Variants in FNIP1 observed in about 807,000 individuals in gnomAD.
FNIP1 encodes the protein folliculin-interacting protein 1.
Under a neutral mutation model 124.5 loss-of-function variants are expected in FNIP1, and 40 were observed. The ratio of observed to expected loss-of-function variants is 0.32; its 90% confidence interval spans 0.25 to 0.42. The LOEUF (loss-of-function observed/expected upper bound fraction) is 0.42. Ranked by LOEUF, FNIP1 falls within the 10% of genes least tolerant of loss-of-function variation. The pLI is 1.00. For synonymous variants in FNIP1, 472 were observed against 470.6 expected (o/e 1.00, Z -0.04); for missense variants, 1,176 against 1,403.7 (o/e 0.84, Z 2.59).
At chr5:131,699,522 T>G (rs554561285) in intron 10 of FNIP1, among the ~76,000 whole-genome samples, 1 of 151,234 alleles carries the variant, frequency 6.6e-6, no homozygotes, top group Non-Finnish European at 1.5e-5. Flanking sequence ...GTCTCCCGAG[T>G]AGCTGGGATT....
At chr5:131,729,452 G>A (rs941250803) in intron 3 of FNIP1, among the ~76,000 whole-genome samples, 2 of 152,186 alleles carry the variant, frequency 1.3e-5, no homozygotes, top group African/African-American at 2.4e-5. Flanking sequence ...GCTCCGCCCA[G>A]TTCTAACTTC....
At chr5:131,775,439 T>C (rs1771768498) in intron 1 of FNIP1, among the ~76,000 whole-genome samples, 1 of 119,074 alleles carries the variant, frequency 8.4e-6, no homozygotes, top group Non-Finnish European at 1.8e-5. Context: ...AATAAAACAG[T>C]TCATTTAAAA....
At chr5:131,712,159 G>T (rs1377731140) in intron 6 of FNIP1, among the ~76,000 whole-genome samples, 1 of 151,770 alleles carries the variant, frequency 6.6e-6, no homozygotes, top group Non-Finnish European at 1.5e-5. Context: ...CAATGTGCTA[G>T]TGACTTATTA....
chr5:131,756,423 C>T lies in FNIP1; in HGVS notation c.93-11733G>A, dbSNP rs561606964. Among the ~76,000 whole-genome samples the T allele has an allele frequency of 4.0e-5, 6 of 151,822 alleles. No homozygotes were observed. In the South Asian group the frequency reaches 1.0e-3, roughly 26 times the overall value. On this transcript the variant is annotated intron_variant, in intron 1 of 17. Transcript: ENST00000510461. The stretch of plus-strand genomic sequence containing the variant: ...GCCCTTTTTTTAAAAAAAGGAAAAA[C>T]GTGTATGTGTATGAAATACACAGGT...
intron 1 of FNIP1, among the ~76,000 whole-genome samples, chr5:131,766,604 A>T (rs1236515469): frequency 6.6e-6 from 1 of 152,212 alleles, no homozygotes; most frequent in African/African-American, 2.4e-5. Flanking sequence ...AAATTGGCTC[A>T]TGAGATTACA....
At chr5:131,740,371 T>G (rs1483125497) in intron 2 of FNIP1, among the ~76,000 whole-genome samples, 2 of 152,226 alleles carry the variant, frequency 1.3e-5, no homozygotes, top group African/African-American at 4.8e-5. Context: ...CAATTAGCAC[T>G]GTACGATGCT....
chr5:131,729,339 G>T (rs1769996146), intron 3 of FNIP1, among the ~76,000 whole-genome samples: 1 of 152,196 alleles, frequency 6.6e-6, no homozygotes, highest in South Asian at 2.1e-4. Flanking sequence ...TTATCTATAA[G>T]CCCCTGACTG....
At position 131,647,183 on chromosome 5, in the gene FNIP1, C is replaced by T. The variant is rs776882823; in HGVS notation, c.3329G>A (p.Arg1110Gln). The T allele has an allele frequency of 4.3e-6, 7 of 1,614,032 alleles. No individual in the cohort carries two copies. Among genetic ancestry groups the T allele is most frequent in the Middle Eastern group, 1.6e-4 (1 of 6,062 alleles). The change falls in exon 17 of 18, where the codon CGG becomes CAG. Residue 1110 changes from arginine (R) to glutamine (Q), a missense_variant. Transcript: ENST00000510461. ...PNFCVMHLED[R>Q]LQELYFKSKM... is the part of the protein sequence containing the mutation. ...ACTTTTGAAGTATAGCTCCTGCAAC[C>T]GGTCTTCAAGATGCATTACACACTG...
At chr5:131,774,702 T>G (rs1208812392) in intron 1 of FNIP1, among the ~76,000 whole-genome samples, 1 of 152,210 alleles carries the variant, frequency 6.6e-6, no homozygotes, top group African/African-American at 2.4e-5. Flanking sequence ...AACACACAAC[T>G]AAAATTATCC....
chr5:131,659,688 T>C (rs112078399), intron 15 of FNIP1, among the ~76,000 whole-genome samples: 186 of 152,208 alleles, frequency 1.2e-3, no homozygotes, highest in African/African-American at 4.0e-3. Context: ...CAGCCATAGG[T>C]GTACAGGGAC....
intron 12 of FNIP1, among the ~76,000 whole-genome samples, chr5:131,678,213 G>A (rs527457231): frequency 1.3e-5 from 2 of 152,090 alleles, no homozygotes; most frequent in Non-Finnish European, 1.5e-5. Flanking sequence ...TCAACCAGCA[G>A]GTCCTTACAT....
Position 131,706,559 on chromosome 5 carries a change from A to G in FNIP1, c.779-13T>C. ...CTGCTGAGAGATGCTGTTAAGTCAGAAGAACAACAAGTATAAGTCAATAAT... is the reference window on the plus strand; with the variant it reads ...CTGCTGAGAGATGCTGTTAAGTCAGGAGAACAACAAGTATAAGTCAATAAT... On this transcript the variant is annotated splice_polypyrimidine_tract_variant and intron_variant, in intron 8 of 17. Coordinates refer to ENST00000510461, the MANE Select transcript of FNIP1 (RefSeq NM_133372.3). The G allele has an allele frequency of 1.3e-6, 2 of 1,554,358 alleles. No homozygotes were observed. The highest frequency in any genetic ancestry group is 1.7e-6 in the Non-Finnish European group (2 of 1,149,994).
At chr5:131,749,600 C>T (rs1452711937) in intron 1 of FNIP1, among the ~76,000 whole-genome samples, 1 of 152,006 alleles carries the variant, frequency 6.6e-6, no homozygotes, top group Non-Finnish European at 1.5e-5. Flanking sequence ...CCATGTTGGC[C>T]AGGTTTGTCT....
At position 131,643,309 on chromosome 5, in the gene FNIP1, T is replaced by C. The variant is rs1001689265; in HGVS notation, c.*1376A>G. On this transcript the variant is annotated 3_prime_UTR_variant, in exon 18 of 18. Transcript: ENST00000510461. ...ATGGATGTGTTATATAGTAAATATA[T>C]TTAATAACTGAATAAACAAGTGGTT... 6.6e-6 allele frequency: 1 copy of C among 152,662 alleles called. No individual in the cohort carries two copies. Among genetic ancestry groups the C allele is most frequent in the African/African-American group, 2.4e-5 (1 of 41,466 alleles). 9.5% of individuals were successfully genotyped at this position (152,662 alleles called of 1,614,324 possible).
At position 131,651,796 on chromosome 5, in the gene FNIP1, A is replaced by G; in HGVS notation, c.3306+6T>C. The G allele has an allele frequency of 6.2e-7, 1 of 1,613,402 alleles. No individual in the cohort carries two copies. The highest frequency in any genetic ancestry group is 8.5e-7 in the Non-Finnish European group (1 of 1,179,476). On this transcript the variant is annotated splice_donor_region_variant and intron_variant, in intron 16 of 17. Transcript: ENST00000510461. ...AAGTAATGCAAGCAGTGTTACACATACTTACAAAATTTGGAGACAAGTTAT... is the reference window on the plus strand; with the variant it reads ...AAGTAATGCAAGCAGTGTTACACATGCTTACAAAATTTGGAGACAAGTTAT...
intron 1 of FNIP1, among the ~76,000 whole-genome samples, chr5:131,781,061 A>T (rs1771978475): frequency 6.6e-6 from 1 of 152,258 alleles, no homozygotes; most frequent in Non-Finnish European, 1.5e-5. Flanking sequence ...AAACAGCCTT[A>T]TTGCTGATAG....
At chr5:131,714,180 C>A in intron 6 of FNIP1, among the ~76,000 whole-genome samples, 1 of 152,212 alleles carries the variant, frequency 6.6e-6, no homozygotes, top group East Asian at 1.9e-4. Context: ...ACATGGGACA[C>A]TTCTGACAAC....
chr5:131,689,943 G>A (rs1279074131), intron 11 of FNIP1, among the ~76,000 whole-genome samples: 3 of 152,094 alleles, frequency 2.0e-5, no homozygotes, highest in Non-Finnish European at 2.9e-5. Context: ...TATAGAAGCC[G>A]GGTGCAGTGG....
At chr5:131,776,477 A>G (rs1303480847) in intron 1 of FNIP1, among the ~76,000 whole-genome samples, 1 of 152,372 alleles carries the variant, frequency 6.6e-6, no homozygotes, top group African/African-American at 2.4e-5. Context: ...AATTGGAAAT[A>G]ACCCTTTGAC....
Sources: allele counts gnomAD v4.1 joint callset (sites outside exome capture counted in the v4.1 genomes callset), GRCh38; gene constraint gnomAD v4.1.1; transcripts MANE v1.5; gene names NCBI Gene and HGNC (gene_info 2026-07-23, HGNC 2026-07-21).